Variants in SYT16 observed in about 807,000 individuals in gnomAD.
The protein encoded by SYT16 is synaptotagmin-16.
Under a neutral mutation model 61.4 loss-of-function variants are expected in SYT16, and 42 were observed. The observed-to-expected ratio is 0.68, with a 90% CI of 0.53 to 0.89. The LOEUF (loss-of-function observed/expected upper bound fraction) is 0.89. Ranked by LOEUF, SYT16 falls within the 40% of genes least tolerant of loss-of-function variation. The pLI is 0.00. For missense variants in SYT16, 804 were observed against 807.3 expected (o/e 1.00, Z 0.05); for synonymous variants, 314 against 302.3 (o/e 1.04, Z -0.40).
chr14:61,929,841 T>C (rs1005380969), intron 1 of SYT16, among the ~76,000 whole-genome samples: 2 of 152,248 alleles, frequency 1.3e-5, no homozygotes, highest in African/African-American at 4.8e-5. Context: ...ATTGCCTTTT[T>C]TTAAAACTGA....
At chr14:62,027,518 A>G (rs1361763621) in intron 3 of SYT16, among the ~76,000 whole-genome samples, 2 of 152,176 alleles carry the variant, frequency 1.3e-5, no homozygotes, top group African/African-American at 4.8e-5. Flanking sequence ...TGACTGTTTA[A>G]AAATGTTTAC....
At chr14:61,951,988 C>T (rs1336821697) in intron 1 of SYT16, among the ~76,000 whole-genome samples, 1 of 152,036 alleles carries the variant, frequency 6.6e-6, no homozygotes. Flanking sequence ...CAGGTTTCGC[C>T]ATGTTGCCCA....
In SYT16 at chr14:62,110,526, T is replaced by A. The variant is rs1292785794; in HGVS notation, c.*9819T>A. 2 of 152,150 alleles carry A rather than the reference T, an allele frequency of 1.3e-5. No homozygotes were observed. Among genetic ancestry groups the A allele is most frequent in the Non-Finnish European group, 2.9e-5 (2 of 67,980 alleles). 9.4% of individuals were successfully genotyped at this position (152,150 alleles called of 1,614,324 possible). A position where few individuals can be genotyped will look rare whatever the true frequency, so the allele number is the denominator to read the frequency against. ...CGTATCAACTCTTTATGTCAATATATCAAAGTAATTGACACTTTTAGAGCT... is the reference window on the plus strand; with the variant it reads ...CGTATCAACTCTTTATGTCAATATAACAAAGTAATTGACACTTTTAGAGCT... On this transcript the variant is annotated 3_prime_UTR_variant, in exon 8 of 8. Transcript: ENST00000683842.
chr14:61,962,245 G>A (rs2051145210), intron 1 of SYT16, among the ~76,000 whole-genome samples: 2 of 151,904 alleles, frequency 1.3e-5, no homozygotes, highest in Non-Finnish European at 2.9e-5. Context: ...TAAAAAACCT[G>A]CACATATATC....
intron 2 of SYT16, among the ~76,000 whole-genome samples, chr14:61,979,500 G>C (rs527566092): frequency 2.1e-4 from 32 of 152,222 alleles, no homozygotes; most frequent in African/African-American, 7.7e-4. Flanking sequence ...TTTAGGCATG[G>C]CCTACTCAGA....
intron 1 of SYT16, chr14:61,832,003 G>A (rs1019248670): frequency 4.7e-5 from 31 of 658,472 alleles, no homozygotes; most frequent in Non-Finnish European, 6.6e-5. Flanking sequence ...TACACACAGC[G>A]CTTCTCCCAG....
intron 1 of SYT16, among the ~76,000 whole-genome samples, chr14:61,859,669 C>T (rs1403758277): frequency 2.0e-5 from 3 of 151,966 alleles, no homozygotes; most frequent in African/African-American, 7.2e-5. Context: ...ATATATACCC[C>T]AGACAATGTA....
rs549984293 is a variant in SYT16, at chr14:61,844,309, A to AT, written c.-325+31500dup. Among the ~76,000 whole-genome samples the AT allele has an allele frequency of 2.1e-3, 323 of 152,282 alleles. 1 individual carries two copies. The highest frequency in any genetic ancestry group is 7.5e-3 in the African/African-American group (313 of 41,550). ...GGTGGAATCTTTAGGTTTTCCAAAT[A>AT]TAAGATCATATCATCCACAAATAAG... On this transcript the variant is annotated intron_variant, in intron 1 of 7. Transcript: ENST00000683842.
chr14:61,944,136 G>A (rs1211291829), intron 1 of SYT16, among the ~76,000 whole-genome samples: 1 of 152,162 alleles, frequency 6.6e-6, no homozygotes, highest in East Asian at 1.9e-4. Flanking sequence ...ATTCACAGTT[G>A]CTACAAAGAG....
chr14:61,939,611 A>T (rs2050129947), intron 1 of SYT16, among the ~76,000 whole-genome samples: 1 of 152,098 alleles, frequency 6.6e-6, no homozygotes. Flanking sequence ...TTTTATGAGG[A>T]TGCCAGTCGT....
At chr14:61,860,563 T>C (rs964198185) in intron 1 of SYT16, among the ~76,000 whole-genome samples, 6 of 152,238 alleles carry the variant, frequency 3.9e-5, no homozygotes, top group Admixed American at 2.6e-4. Context: ...GAAACTGTTA[T>C]AGCACTTGAC....
chr14:62,050,017 C>T (rs1290340239), intron 3 of SYT16, among the ~76,000 whole-genome samples: 1 of 152,148 alleles, frequency 6.6e-6, no homozygotes, highest in Non-Finnish European at 1.5e-5. Flanking sequence ...GAATGTTGGC[C>T]TGCCTTGCTA....
Position 61,813,415 on chromosome 14 carries a change from G to T in SYT16, c.-325+605G>T, listed in dbSNP as rs1431392533. 2.0e-5 allele frequency among the ~76,000 whole-genome samples: 3 copies of T among 152,224 alleles called. No homozygotes were observed. The East Asian group carries it at 5.8e-4, about 29-fold the overall frequency. ...GGCCTGCTTTTGGCATCTTGGCACC[G>T]CTGCTCTTATGGCTCAGTGCCTTTG... On this transcript the variant is annotated intron_variant, in intron 1 of 7. Coordinates refer to ENST00000683842, the MANE Select transcript of SYT16 (RefSeq NM_001367656.1).
chr14:61,969,131 T>C (rs893506415), intron 1 of SYT16, among the ~76,000 whole-genome samples: 20 of 152,340 alleles, frequency 1.3e-4, no homozygotes, highest in Admixed American at 1.2e-3. Flanking sequence ...TTTGTATTAT[T>C]TGTATTATTA....
chr14:61,971,894 T>G (rs2610541), intron 2 of SYT16, among the ~76,000 whole-genome samples: 1 of 152,124 alleles, frequency 6.6e-6, no homozygotes, highest in Non-Finnish European at 1.5e-5. Context: ...TTAGACACTA[T>G]TGTCCCAGCT....
chr14:62,005,852 G>A (rs2053200210), intron 3 of SYT16, among the ~76,000 whole-genome samples: 1 of 152,106 alleles, frequency 6.6e-6, no homozygotes, highest in Non-Finnish European at 1.5e-5. Flanking sequence ...TTGTTTATTT[G>A]TTCCAGAGGA....
At position 61,919,950 on chromosome 14, in the gene SYT16, AT is replaced by A. The variant is rs144151413; in HGVS notation, c.-324-50178del. On this transcript the variant is annotated intron_variant, in intron 1 of 7. Transcript: ENST00000683842. ...TAGTCATCTCAAATCCTTGATACAC[AT>A]TTTATCACACTCTGTTTTTCTTATA... 1.1e-3 allele frequency among the ~76,000 whole-genome samples: 57 copies of A among 50,972 alleles called. 1 individual carries two copies. The East Asian group carries it at 0.029, about 26-fold the overall frequency. The allele number at this position is 50,972 out of a possible 152,430, so 33.4% of individuals were successfully genotyped here. A position where few individuals can be genotyped will look rare whatever the true frequency, so the allele number is the denominator to read the frequency against.
chr14:62,014,151 T>C (rs2053574999), intron 3 of SYT16, among the ~76,000 whole-genome samples: 2 of 152,108 alleles, frequency 1.3e-5, no homozygotes, highest in South Asian at 4.1e-4. Context: ...ATGACAAATC[T>C]TCATCTCTAG....
At chr14:61,930,037 C>G (rs1034322494) in intron 1 of SYT16, among the ~76,000 whole-genome samples, 3 of 152,106 alleles carry the variant, frequency 2.0e-5, no homozygotes, top group African/African-American at 4.8e-5. Flanking sequence ...CTTGCTTAAT[C>G]CACCTTGAGA....
Sources: gnomAD v4.1 joint callset for allele counts (sites outside exome capture counted in the v4.1 genomes callset) on GRCh38, gnomAD v4.1.1 for gene constraint, MANE v1.5 for transcripts, NCBI Gene and HGNC (gene_info 2026-07-23, HGNC 2026-07-21) for gene names.